GPR39: variants seen among roughly 807,000 people sequenced by gnomAD.
GPR39 encodes G protein-coupled receptor 39.
In GPR39, 23 loss-of-function variants were observed where a neutral mutation model predicts 18.4. The ratio of observed to expected loss-of-function variants is 1.25; its 90% CI spans 0.90 to 1.77. The LOEUF (loss-of-function observed/expected upper bound fraction) is 1.77. Among genes scored for constraint, GPR39 ranks in the 40% most tolerant of loss-of-function variants. The pLI is 0.00. For synonymous variants in GPR39, 280 were observed against 257.9 expected (o/e 1.09, Z -0.82); for missense variants, 647 against 602.4 (o/e 1.07, Z -0.78).
At chr2:132,428,215 C>T (rs1375662866) in intron 1 of GPR39, among the ~76,000 whole-genome samples, 1 of 151,892 alleles carries the variant, frequency 6.6e-6, no homozygotes, top group African/African-American at 2.4e-5. Flanking sequence ...ACTGGCTTTA[C>T]CCTTCTCTCA....
At chr2:132,456,007 G>C (rs368072254) in intron 1 of GPR39, among the ~76,000 whole-genome samples, 1 of 152,172 alleles carries the variant, frequency 6.6e-6, no homozygotes, top group Non-Finnish European at 1.5e-5. Flanking sequence ...GCTTGTTGCA[G>C]ATCTGAGTTC....
At chr2:132,634,983 A>G (rs371514314) in intron 1 of GPR39, among the ~76,000 whole-genome samples, 36 of 152,330 alleles carry the variant, frequency 2.4e-4, no homozygotes, top group African/African-American at 7.7e-4. Flanking sequence ...ACCTGCCTTG[A>G]AGGCAGTTGT....
intron 1 of GPR39, among the ~76,000 whole-genome samples, chr2:132,424,637 C>T (rs972939974): frequency 1.4e-4 from 22 of 152,174 alleles, no homozygotes; most frequent in African/African-American, 4.8e-4. Context: ...GAAACCATAG[C>T]TAAGGGGTTT....
In GPR39 at chr2:132,512,386, G is replaced by A. The variant is rs112912598; in HGVS notation, c.856+94488G>A. ...AGATGAGGGCACTGAAAAGGATAAGGGGGGGTACAGCCCCCTTCTCCCTGG... is the reference window on the plus strand; with the variant it reads ...AGATGAGGGCACTGAAAAGGATAAGAGGGGGTACAGCCCCCTTCTCCCTGG... On this transcript the variant is annotated intron_variant, in intron 1 of 1. Transcript: ENST00000329321. Among the ~76,000 whole-genome samples, 561 of 152,220 alleles carry A rather than the reference G, an allele frequency of 3.7e-3. 5 individuals carry two copies. Among genetic ancestry groups the A allele is most frequent in the African/African-American group, 0.013 (523 of 41,518 alleles).
chr2:132,619,349 A>G (rs1681394259), intron 1 of GPR39, among the ~76,000 whole-genome samples: 2 of 152,314 alleles, frequency 1.3e-5, no homozygotes, highest in South Asian at 4.1e-4. Context: ...AACAGGCTCC[A>G]TATGTCCTGG....
At chr2:132,499,422 T>A (rs2104802099) in intron 1 of GPR39, among the ~76,000 whole-genome samples, 1 of 152,312 alleles carries the variant, frequency 6.6e-6, no homozygotes, top group Non-Finnish European at 1.5e-5. Context: ...TGCCTATTTT[T>A]ATACCAGTTC....
chr2:132,520,559 T>G (rs1679407559), intron 1 of GPR39, among the ~76,000 whole-genome samples: 1 of 152,196 alleles, frequency 6.6e-6, no homozygotes, highest in Non-Finnish European at 1.5e-5. Flanking sequence ...AGGGAACTGA[T>G]GATGAGACTA....
intron 1 of GPR39, among the ~76,000 whole-genome samples, chr2:132,443,388 G>A (rs530606119): frequency 4.6e-5 from 7 of 152,242 alleles, no homozygotes; most frequent in South Asian, 2.1e-4. Context: ...ATACACATTC[G>A]GGAGAAAGCA....
At chr2:132,565,396 CT>C (rs67095358) in intron 1 of GPR39, among the ~76,000 whole-genome samples, 67,094 of 137,852 alleles carry the variant, frequency 0.49, 15,844 homozygotes, top group East Asian at 0.75. Context: ...GATGAGTTTC[CT>C]TTTTTTTTTT....
chr2:132,644,230 ATG>A (rs1481298943), intron 1 of GPR39, among the ~76,000 whole-genome samples: 1 of 152,218 alleles, frequency 6.6e-6, no homozygotes, highest in East Asian at 1.9e-4. Context: ...GAATACAAAT[ATG>A]TGGGCATGCA....
intron 1 of GPR39, among the ~76,000 whole-genome samples, chr2:132,640,484 G>T (rs980162518): frequency 2.6e-5 from 4 of 152,224 alleles, no homozygotes; most frequent in Non-Finnish European, 5.9e-5. Context: ...GCTGTCTGGA[G>T]TATAATACAG....
chr2:132,460,737 C>G (rs191467623), intron 1 of GPR39, among the ~76,000 whole-genome samples: 16 of 151,542 alleles, frequency 1.1e-4, no homozygotes, highest in Admixed American at 1.0e-3. Context: ...TTTTCCTTAC[C>G]TTTAACTTTC....
At chr2:132,435,854 G>A (rs1279135026) in intron 1 of GPR39, among the ~76,000 whole-genome samples, 2 of 152,204 alleles carry the variant, frequency 1.3e-5, no homozygotes, top group Non-Finnish European at 2.9e-5. Context: ...GCACTCCAAG[G>A]AATAGAAAGA....
rs540743940 is a variant in GPR39 at position 132,417,595 on chromosome 2, A to C, written c.553A>C (p.Ser185Arg). 2.9e-5 allele frequency: 46 copies of C among 1,614,030 alleles called. No individual in the cohort carries two copies. The East Asian group carries it at 7.6e-4, about 27-fold the overall frequency. Residue 185 changes from serine (S) to arginine (R), a missense_variant, in exon 1 of 2, where the codon AGC becomes CGC. Ser to Arg is a moderately radical substitution (Grantham distance 110). Around this residue, in one of 3 missense-constraint regions of GPR39, gnomAD observed 581 missense variants for 506.8 expected, o/e 1.15. Coordinates refer to ENST00000329321, the MANE Select transcript of GPR39 (RefSeq NM_001508.3). ...GTEYPLVNVP[S>R]HRGLTCNRSS... The stretch of plus-strand genomic sequence containing the variant: ...TGAGTACCCCCTGGTGAACGTGCCC[A>C]GCCACCGGGGTCTCACTTGCAACCG...
At chr2:132,550,321 G>A (rs950674970) in intron 1 of GPR39, among the ~76,000 whole-genome samples, 1 of 152,182 alleles carries the variant, frequency 6.6e-6, no homozygotes, top group African/African-American at 2.4e-5. Context: ...GTCCCCCCAG[G>A]GCTCAGCAGT....
intron 1 of GPR39, among the ~76,000 whole-genome samples, chr2:132,522,085 C>A (rs1044140753): frequency 4.6e-5 from 7 of 152,174 alleles, no homozygotes; most frequent in African/African-American, 1.7e-4. Flanking sequence ...ACTTCTAGAT[C>A]CTTCCCTGTG....
At chr2:132,550,859 T>A (rs565916331) in intron 1 of GPR39, among the ~76,000 whole-genome samples, 24 of 152,304 alleles carry the variant, frequency 1.6e-4, no homozygotes, top group African/African-American at 5.1e-4. Flanking sequence ...AGCTGGGCTG[T>A]TTTGGTGAAT....
intron 1 of GPR39, among the ~76,000 whole-genome samples, chr2:132,419,341 A>G (rs1187372372): frequency 6.6e-6 from 1 of 152,236 alleles, no homozygotes; most frequent in Non-Finnish European, 1.5e-5. Flanking sequence ...CTAGTTCAGA[A>G]TCACCTCAGT....
intron 1 of GPR39, among the ~76,000 whole-genome samples, chr2:132,429,355 A>C (rs1187005359): frequency 6.6e-6 from 1 of 152,252 alleles, no homozygotes; most frequent in Non-Finnish European, 1.5e-5. Context: ...GCAAGAAATT[A>C]TGATGCCAAG....
Sources: allele counts gnomAD v4.1 joint callset (sites outside exome capture counted in the v4.1 genomes callset), GRCh38; gene constraint gnomAD v4.1.1; regional missense constraint gnomAD v4.1.1; transcripts MANE v1.5; gene names NCBI Gene and HGNC (gene_info 2026-07-23, HGNC 2026-07-21).